Variants in SGCD observed in about 807,000 individuals in gnomAD.
The protein encoded by SGCD is delta-sarcoglycan.
In SGCD, 18 loss-of-function variants were observed where a neutral mutation model predicts 36.6. The ratio of observed to expected loss-of-function variants is 0.49; its 90% confidence interval spans 0.34 to 0.73. The LOEUF is 0.73. Among genes scored for constraint, SGCD ranks in the 30% least tolerant of loss-of-function variants. The pLI is 0.01. For missense variants in SGCD, 387 were observed against 346.7 expected (o/e 1.12, Z -0.92); for synonymous variants, 133 against 130.6 (o/e 1.02, Z -0.12).
At chr5:156,314,701 A>C (rs1767469537) in intron 3 of SGCD, among the ~76,000 whole-genome samples, 1 of 152,038 alleles carries the variant, frequency 6.6e-6, no homozygotes, top group Admixed American at 6.6e-5. Flanking sequence ...GAAAATCATA[A>C]GATTTTGGTA....
chr5:155,997,950 C>G (rs1398651350), intron 1 of SGCD, among the ~76,000 whole-genome samples: 1 of 152,124 alleles, frequency 6.6e-6, no homozygotes, highest in East Asian at 1.9e-4. Flanking sequence ...TGAACTTTCC[C>G]ATTGCTTATT....
chr5:156,685,903 C>T (rs1287240822), intron 7 of SGCD, among the ~76,000 whole-genome samples: 2 of 152,068 alleles, frequency 1.3e-5, no homozygotes, highest in Non-Finnish European at 2.9e-5. Flanking sequence ...ACAACAGACA[C>T]TGGGGCTTTC....
At chr5:156,075,737 T>A (rs1760766526) in intron 1 of SGCD, among the ~76,000 whole-genome samples, 1 of 152,188 alleles carries the variant, frequency 6.6e-6, no homozygotes, top group African/African-American at 2.4e-5. Flanking sequence ...GGTGATGATG[T>A]TAAGAACAAT....
chr5:155,794,042 T>C, the SGCD span, among the ~76,000 whole-genome samples: 6 of 150,254 alleles, frequency 4.0e-5, no homozygotes, highest in South Asian at 1.3e-3. Context: ...CAAAGATTAG[T>C]GTTGAAGACA....
At chr5:156,569,593 T>C (rs1019923485) in intron 4 of SGCD, among the ~76,000 whole-genome samples, 1 of 143,854 alleles carries the variant, frequency 7.0e-6, no homozygotes, top group African/African-American at 2.6e-5. Context: ...ATTGATTTTT[T>C]GAGACCCTGT....
the SGCD span, among the ~76,000 whole-genome samples, chr5:155,739,075 G>A: frequency 6.6e-6 from 1 of 152,118 alleles, no homozygotes; most frequent in South Asian, 2.1e-4. Context: ...AAGATTGTAT[G>A]AACTTTTTTT....
In SGCD at chr5:155,985,083, C is replaced by T. The variant is rs1280520266; in HGVS notation, c.-282+114659C>T. ...GACCCTGGGTTAATTGGATAAGTCC[C>T]CCATTAGTTGTCTATTCCTGAAGTA... is the stretch of plus-strand genomic sequence containing the variant. On this transcript the variant is annotated intron_variant, in intron 1 of 9. Transcript: ENST00000517913. 2.0e-5 allele frequency among the ~76,000 whole-genome samples: 3 copies of T among 152,124 alleles called. No homozygotes were observed. In the East Asian group the frequency reaches 5.8e-4, roughly 29 times the overall value.
chr5:156,262,526 A>T (rs1765894722), intron 3 of SGCD, among the ~76,000 whole-genome samples: 1 of 152,100 alleles, frequency 6.6e-6, no homozygotes, highest in Non-Finnish European at 1.5e-5. Context: ...GTGAATTATT[A>T]GGTAAATTTT....
chr5:156,099,819 G>A (rs1011723492), intron 1 of SGCD, among the ~76,000 whole-genome samples: 4 of 151,970 alleles, frequency 2.6e-5, no homozygotes, highest in African/African-American at 7.2e-5. Context: ...AATAATAAAT[G>A]TGTGTTTAAG....
At chr5:155,851,151 A>T in the SGCD span, among the ~76,000 whole-genome samples, 4 of 152,168 alleles carry the variant, frequency 2.6e-5, no homozygotes, top group Non-Finnish European at 1.5e-5. Context: ...TCTTAGTCAC[A>T]CATATCAACT....
the SGCD span, among the ~76,000 whole-genome samples, chr5:155,746,162 C>T: frequency 6.6e-6 from 1 of 152,072 alleles, no homozygotes; most frequent in East Asian, 1.9e-4. Context: ...GAATGGGATA[C>T]AACTGCATAC....
chr5:156,763,614 T>TG lies in SGCD; in HGVS notation c.*4224_*4225insG, dbSNP rs2113203574. The TG allele has an allele frequency of 1.3e-5, 2 of 152,252 alleles. No individual in the cohort carries two copies. The highest frequency in any genetic ancestry group is 3.9e-4 in the East Asian group (2 of 5,176). The allele number at this position is 152,252 out of a possible 1,614,324, so 9.4% of individuals were successfully genotyped here. A position where few individuals can be genotyped will look rare whatever the true frequency, so the allele number is the denominator to read the frequency against. On this transcript the variant is annotated 3_prime_UTR_variant, in exon 9 of 9. Transcript: ENST00000337851. ...CAAAAACATATTTTGAAAAGACATA[T>TG]TCTGACATCTCTGCTTGTGTGTGGT...
At chr5:155,780,336 T>C in the SGCD span, among the ~76,000 whole-genome samples, 3 of 152,194 alleles carry the variant, frequency 2.0e-5, no homozygotes, top group African/African-American at 7.2e-5. Flanking sequence ...CAGGATTTGA[T>C]TTCAAATAGT....
chr5:156,264,119 G>A (rs1005969237), intron 3 of SGCD, among the ~76,000 whole-genome samples: 2 of 152,058 alleles, frequency 1.3e-5, no homozygotes, highest in African/African-American at 2.4e-5. Context: ...ATACGTATAT[G>A]TTAGAGAAGA....
the SGCD span, among the ~76,000 whole-genome samples, chr5:155,829,568 T>A: frequency 1.3e-5 from 2 of 152,196 alleles, no homozygotes; most frequent in Admixed American, 6.6e-5. Context: ...GGGAGAATAT[T>A]CACATCTTCA....
intron 3 of SGCD, among the ~76,000 whole-genome samples, chr5:156,306,927 A>G (rs1767229657): frequency 6.6e-6 from 1 of 151,938 alleles, no homozygotes; most frequent in Non-Finnish European, 1.5e-5. Context: ...TTTTATTAAT[A>G]TATAATGGCA....
rs1204023305 is a variant in SGCD, at chr5:156,762,642, C to T, written c.*3252C>T. The T allele has an allele frequency of 6.6e-6, 1 of 152,660 alleles. No homozygotes were observed. Among genetic ancestry groups the T allele is most frequent in the African/African-American group, 2.4e-5 (1 of 41,458 alleles). The allele number at this position is 152,660 out of a possible 1,614,324, so 9.5% of individuals were successfully genotyped here. ...TGACCTGGAAACCAAATCTGACTTA[C>T]CACCTTTTCCTGTAGTTAAAGTTTT... On this transcript the variant is annotated 3_prime_UTR_variant, in exon 9 of 9. Transcript: ENST00000337851.
chr5:156,668,427 C>T (rs1448561415), intron 7 of SGCD, among the ~76,000 whole-genome samples: 1 of 152,014 alleles, frequency 6.6e-6, no homozygotes, highest in East Asian at 1.9e-4. Context: ...TCCAGGATGC[C>T]TTTTCGTTCT....
At chr5:155,819,398 C>T in the SGCD span, among the ~76,000 whole-genome samples, 1 of 152,092 alleles carries the variant, frequency 6.6e-6, no homozygotes, top group African/African-American at 2.4e-5. Context: ...AACGATCTCT[C>T]ACTTGGTGTC....
Sources: allele counts gnomAD v4.1 joint callset (sites outside exome capture counted in the v4.1 genomes callset), GRCh38; gene constraint gnomAD v4.1.1; transcripts MANE v1.5; gene names NCBI Gene and HGNC (gene_info 2026-07-23, HGNC 2026-07-21).